ATRNL1: variants seen among roughly 807,000 people sequenced by gnomAD.
ATRNL1 encodes the protein attractin like 1, also known as attractin-like protein 1.
In ATRNL1, 95 loss-of-function variants were observed where a neutral mutation model predicts 182.7. That is an observed-to-expected ratio of 0.52 (90% confidence interval 0.44 to 0.62). The LOEUF (loss-of-function observed/expected upper bound fraction) is 0.62. ATRNL1 is among the 20% of genes least tolerant of loss of function. The probability of loss-of-function intolerance (pLI) is 0.00; values close to 1 mark genes in which losing one functional copy is unlikely to be tolerated. For missense variants in ATRNL1, 1,471 were observed against 1,679.5 expected, an observed-to-expected ratio of 0.88 and a Z score of 2.17; for synonymous variants, 576 against 568.3, an observed-to-expected ratio of 1.01 and a Z score of -0.19.
At chr10:115,298,373 A>G (rs1206505237) in intron 15 of ATRNL1, among the ~76,000 whole-genome samples, 1 of 152,164 alleles carries the variant, frequency 6.6e-6, no homozygotes, top group Non-Finnish European at 1.5e-5. Context: ...TTTACTGAGT[A>G]ATAGTTACTT....
At position 115,093,887 on chromosome 10, in the gene ATRNL1, A is replaced by T; in HGVS notation, c.137A>T (p.Tyr46Phe). 6.3e-7 allele frequency: 1 copy of T among 1,594,046 alleles called. No individual in the cohort carries two copies. The change falls in exon 1 of 29, where the codon TAT becomes TTT. Residue 46 changes from tyrosine to phenylalanine, a missense_variant. Physicochemically the swap from Tyr to Phe is conservative, Grantham distance 22. This residue lies in a region of ATRNL1 where 1,031 missense variants were observed against 1,156.0 expected (regional missense o/e 0.89). Coordinates refer to ENST00000355044, the MANE Select transcript of ATRNL1 (RefSeq NM_207303.4). The surrounding 1 kb of genome is among the most constrained non-coding windows in gnomAD (Gnocchi z 6.1). Reference protein sequence around the residue: ...LLDGNSWLLCYGFLYLALYAQ... With the variant: ...LLDGNSWLLCFGFLYLALYAQ... Reference sequence around the variant, plus strand: ...GACGGGAACAGCTGGCTGCTGTGCTATGGCTTCCTCTACCTGGCGCTCTAC... The same window carrying T: ...GACGGGAACAGCTGGCTGCTGTGCTTTGGCTTCCTCTACCTGGCGCTCTAC...
At chr10:115,194,282 A>G (rs11197113) in intron 8 of ATRNL1, among the ~76,000 whole-genome samples, 3,788 of 152,104 alleles carry the variant, frequency 0.025, 158 homozygotes, top group African/African-American at 0.086. Context: ...GTCCAATCCT[A>G]AAAATGTGCT....
chr10:115,252,357 C>T (rs1203439739), intron 10 of ATRNL1, among the ~76,000 whole-genome samples: 2 of 152,094 alleles, frequency 1.3e-5, no homozygotes, highest in Non-Finnish European at 2.9e-5. Context: ...GTCGTATACT[C>T]TCTTTCTTTC....
chr10:115,319,908 TTA>T (rs1854498778), intron 18 of ATRNL1, among the ~76,000 whole-genome samples: 1 of 152,134 alleles, frequency 6.6e-6, no homozygotes, highest in Non-Finnish European at 1.5e-5. Context: ...GTTAATACTG[TTA>T]TGTGTGAATT....
At chr10:115,770,844 A>G (rs782327476) in intron 27 of ATRNL1, among the ~76,000 whole-genome samples, 1 of 152,142 alleles carries the variant, frequency 6.6e-6, no homozygotes, top group Non-Finnish European at 1.5e-5. Context: ...TTATTGATAG[A>G]TTTTCTCATT....
intron 26 of ATRNL1, among the ~76,000 whole-genome samples, chr10:115,561,684 T>TGTGTGTGG (rs1354375930): frequency 1.4e-4 from 14 of 97,980 alleles, no homozygotes; most frequent in South Asian, 9.2e-4. Flanking sequence ...TGTGTGTGTG[T>TGTGTGTGG]GTGTGGGTGT....
At chr10:115,457,475 G>A (rs782766731) in intron 21 of ATRNL1, among the ~76,000 whole-genome samples, 6 of 151,830 alleles carry the variant, frequency 4.0e-5, no homozygotes, top group Non-Finnish European at 7.4e-5. Context: ...GGCTTTCACC[G>A]GGGACCTGTC....
intron 19 of ATRNL1, among the ~76,000 whole-genome samples, chr10:115,357,909 A>T (rs1265983333): frequency 6.6e-6 from 1 of 151,534 alleles, no homozygotes; most frequent in African/African-American, 2.4e-5. Flanking sequence ...CTCCATCCCT[A>T]TCTTAGTTAA....
At chr10:115,682,240 A>G (rs1946069704) in intron 26 of ATRNL1, among the ~76,000 whole-genome samples, 1 of 152,200 alleles carries the variant, frequency 6.6e-6, no homozygotes, top group Non-Finnish European at 1.5e-5. Context: ...TCTGTGAAAC[A>G]GAAAAAAAGG....
intron 28 of ATRNL1, among the ~76,000 whole-genome samples, chr10:115,879,770 C>T (rs922597): frequency 0.94 from 143,359 of 152,296 alleles, 68,092 homozygotes; most frequent in East Asian, 1. Context: ...AACTGTGGTT[C>T]GAGTGGCTGC....
intron 17 of ATRNL1, among the ~76,000 whole-genome samples, chr10:115,309,939 G>A (rs1200912557): frequency 6.6e-6 from 1 of 152,054 alleles, no homozygotes; most frequent in East Asian, 1.9e-4. Context: ...AGTACTTAGA[G>A]GTAATGCGTT....
chr10:115,406,505 C>T (rs1228073047), intron 20 of ATRNL1, among the ~76,000 whole-genome samples: 2 of 152,100 alleles, frequency 1.3e-5, no homozygotes, highest in Non-Finnish European at 2.9e-5. Flanking sequence ...TATTAATGCT[C>T]CACATCTTTG....
At chr10:115,303,328 G>A (rs1490771295) in intron 17 of ATRNL1, among the ~76,000 whole-genome samples, 1 of 149,362 alleles carries the variant, frequency 6.7e-6, no homozygotes, top group East Asian at 2.0e-4. Flanking sequence ...TGGTTCAAGT[G>A]ATTCTCTTGC....
At chr10:115,693,525 A>G (rs1159331514) in intron 26 of ATRNL1, among the ~76,000 whole-genome samples, 3 of 152,156 alleles carry the variant, frequency 2.0e-5, no homozygotes, top group African/African-American at 7.2e-5. Flanking sequence ...ACGCTATACA[A>G]TCAGGCATCA....
intron 24 of ATRNL1, among the ~76,000 whole-genome samples, chr10:115,517,109 T>G (rs1850678485): frequency 6.6e-6 from 1 of 151,992 alleles, no homozygotes; most frequent in Admixed American, 6.6e-5. Flanking sequence ...GTAGATCAAT[T>G]TTGTGTCTCT....
At chr10:115,484,445 ATAAAT>A (rs1320122353) in intron 24 of ATRNL1, among the ~76,000 whole-genome samples, 2 of 151,560 alleles carry the variant, frequency 1.3e-5, no homozygotes, top group Admixed American at 6.6e-5. Context: ...TTTATCTTAA[ATAAAT>A]TAAATAGGAT....
chr10:115,753,877 G>A (rs1471975360), intron 27 of ATRNL1, among the ~76,000 whole-genome samples: 13 of 152,170 alleles, frequency 8.5e-5, no homozygotes, highest in African/African-American at 3.1e-4. Context: ...TCTAACTGAT[G>A]TGAGATGGTA....
At chr10:115,155,374 TTAA>T (rs1326660618) in intron 5 of ATRNL1, among the ~76,000 whole-genome samples, 57 of 152,174 alleles carry the variant, frequency 3.7e-4, no homozygotes, top group Admixed American at 3.7e-3. Flanking sequence ...GAAGGTTGTC[TTAA>T]TAATAACAAA....
chr10:115,720,099 G>C (rs1282289151), intron 26 of ATRNL1, among the ~76,000 whole-genome samples: 2 of 152,092 alleles, frequency 1.3e-5, no homozygotes, highest in Admixed American at 1.3e-4. Context: ...CTGACCTCAG[G>C]TGATCTGCCC....
Sources: allele counts gnomAD v4.1 joint callset (sites outside exome capture counted in the v4.1 genomes callset), GRCh38; gene constraint gnomAD v4.1.1; regional missense constraint gnomAD v4.1.1; non-coding constraint Gnocchi (gnomAD v3.1); transcripts MANE v1.5; gene names NCBI Gene and HGNC (gene_info 2026-07-23, HGNC 2026-07-21).